Variants in HDLBP observed in about 807,000 individuals in gnomAD.
HDLBP encodes vigilin.
Under a neutral mutation model 137.3 loss-of-function variants are expected in HDLBP, and 30 were observed. That is an observed-to-expected ratio of 0.22 (90% CI 0.16 to 0.30). The LOEUF (loss-of-function observed/expected upper bound fraction) is 0.30, where lower values mean the gene tolerates loss of function less well. Among genes scored for constraint, HDLBP ranks in the 10% least tolerant of loss-of-function variants. HDLBP has a pLI of 1.00. For missense variants in HDLBP, 1,119 were observed against 1,667.3 expected (o/e 0.67, Z 5.73); for synonymous variants, 606 against 596.0 (o/e 1.02, Z -0.24).
At position 241,236,492 on chromosome 2, in the gene HDLBP, G is replaced by C. The variant is rs2070467116; in HGVS notation, c.2904+123C>G. Reference sequence around the variant, plus strand: ...GCCCGTGCGCACACGGTAGGAGCAAGAGGGCTACCTCCACTGCCACTGCCG... The same window carrying C: ...GCCCGTGCGCACACGGTAGGAGCAACAGGGCTACCTCCACTGCCACTGCCG... On this transcript the variant is annotated intron_variant, in intron 21 of 27. Coordinates refer to ENST00000310931, the MANE Select transcript of HDLBP (RefSeq NM_005336.6). 3.1e-6 allele frequency: 3 copies of C among 967,370 alleles called. No individual in the cohort carries two copies. The South Asian group carries it at 4.4e-5, about 14-fold the overall frequency. 59.9% of individuals were successfully genotyped at this position (967,370 alleles called of 1,614,324 possible). A position where few individuals can be genotyped will look rare whatever the true frequency, so the allele number is the denominator to read the frequency against.
rs1170953836 is a variant in HDLBP, at chr2:241,272,965, A to G, written c.-102-4424T>C. 7.3e-6 allele frequency: 7 copies of G among 959,214 alleles called. No homozygotes were observed. The highest frequency in any genetic ancestry group is 8.7e-6 in the Non-Finnish European group (7 of 805,978). 59.4% of individuals were successfully genotyped at this position (959,214 alleles called of 1,614,324 possible). A position where few individuals can be genotyped will look rare whatever the true frequency, so the allele number is the denominator to read the frequency against. ...GCCCAGCACCCGGGAGGCCCACCCA[A>G]CTGCAGGCGTGGTTCTGCATCCTTT... On this transcript the variant is annotated intron_variant, in intron 1 of 27. Coordinates refer to ENST00000310931, the MANE Select transcript of HDLBP (RefSeq NM_005336.6). This position sits in a 1 kb window ranked among gnomAD's most constrained non-coding sequence, Gnocchi z 5.6.
intron 1 of HDLBP, among the ~76,000 whole-genome samples, chr2:241,294,051 C>T (rs1029471782): frequency 1.3e-5 from 2 of 152,116 alleles, no homozygotes; most frequent in Non-Finnish European, 1.5e-5. Context: ...AACACACACC[C>T]GAGATTACAA....
In HDLBP at chr2:241,240,008, T is replaced by C; in HGVS notation, c.2284A>G (p.Ile762Val). ...KVRDSTGARV[I>V]FPAAEDKDQD... ...TCCTTGTCCTCAGCCGCAGGGAAGA[T>C]GACACGTGCTCCAGTGCTGTCGCGC... Residue 762 changes from isoleucine (I) to valine (V), a missense_variant, in exon 18 of 28, where the codon ATC becomes GTC. By Grantham distance (29) the Ile-to-Val change is conservative. This residue lies in a region of HDLBP where 618 missense variants were observed against 816.7 expected (regional missense o/e 0.76). Transcript: ENST00000310931. The surrounding 1 kb of genome is among the most constrained non-coding windows in gnomAD (Gnocchi z 5.5). 16 of 1,614,220 alleles carry C rather than the reference T, an allele frequency of 9.9e-6. No individual in the cohort carries two copies. Among genetic ancestry groups the C allele is most frequent in the African/African-American group, 1.3e-5 (1 of 75,050 alleles).
intron 12 of HDLBP, among the ~76,000 whole-genome samples, 200 bp from the exon 13 acceptor site, chr2:241,248,548 C>T (rs2071861841): frequency 6.6e-6 from 1 of 152,120 alleles, no homozygotes; most frequent in Non-Finnish European, 1.5e-5. Flanking sequence ...TCTCACCAAG[C>T]ATCGCTACAC....
Position 241,240,274 on chromosome 2 carries a change from G to C in HDLBP, c.2170-152C>G. 1 of 707,746 alleles carries C rather than the reference G, an allele frequency of 1.4e-6. No homozygotes were observed. Among genetic ancestry groups the C allele is most frequent in the Admixed American group, 2.1e-5 (1 of 48,406 alleles). The allele number at this position is 707,746 out of a possible 1,614,324, so 43.8% of individuals were successfully genotyped here. On this transcript the variant is annotated intron_variant, in intron 17 of 27. Transcript: ENST00000310931. This position sits in a 1 kb window ranked among gnomAD's most constrained non-coding sequence, Gnocchi z 5.5. ...CACCAATACCCCCAAAATGGGGCTA[G>C]CACACCTCACTGAATAAACAGATGA... is the stretch of plus-strand genomic sequence containing the variant.
In HDLBP at chr2:241,264,523, G is replaced by A; in HGVS notation, c.159C>T (p.Cys53=). The A allele has an allele frequency of 6.2e-7, 1 of 1,613,724 alleles. No homozygotes were observed. Among genetic ancestry groups the A allele is most frequent in the South Asian group, 1.1e-5 (1 of 91,064 alleles). ...AFPPLPEKAA[C]LESAQEPAGA... ...CAGCGGGTTCCTGGGCACTTTCCAG[G>A]CAAGCAGCTTTCTCAGGAAGTGGAG... is the stretch of plus-strand genomic sequence containing the variant. Residue 53 remains cysteine, a synonymous_variant, in exon 4 of 28, where the codon TGC becomes TGT. Transcript: ENST00000310931.
intron 1 of HDLBP, among the ~76,000 whole-genome samples, chr2:241,285,849 T>C (rs1160009875): frequency 6.6e-6 from 1 of 152,054 alleles, no homozygotes; most frequent in Non-Finnish European, 1.5e-5. Context: ...GGCAACAAAG[T>C]GAGACCTCAT....
At position 241,272,339 on chromosome 2, in the gene HDLBP, CG is replaced by C. The variant is rs1386389049; in HGVS notation, c.-102-3799del. On this transcript the variant is annotated intron_variant, in intron 1 of 27. Transcript: ENST00000310931. This position sits in a 1 kb window ranked among gnomAD's most constrained non-coding sequence, Gnocchi z 5.6. ...CCGCCGGAGCGGGGGAGGGGAGGGCCGGCCCCGCCAACGTCAGCGACCTGGG... is the reference window on the plus strand; with the variant it reads ...CCGCCGGAGCGGGGGAGGGGAGGGCCGCCCCGCCAACGTCAGCGACCTGGG... 1 of 983,968 alleles carries C rather than the reference CG, an allele frequency of 1.0e-6. No individual in the cohort carries two copies. Among genetic ancestry groups the C allele is most frequent in the Admixed American group, 6.2e-5 (1 of 16,212 alleles). 61.0% of individuals were successfully genotyped at this position (983,968 alleles called of 1,614,324 possible).
Position 241,240,707 on chromosome 2 carries a change from A to T in HDLBP, c.2170-585T>A, listed in dbSNP as rs1214810807. 2.0e-5 allele frequency among the ~76,000 whole-genome samples: 3 copies of T among 151,038 alleles called. No individual in the cohort carries two copies. In the East Asian group the frequency reaches 5.8e-4, roughly 29 times the overall value. Reference sequence around the variant, plus strand: ...AAGCCAACCAAGGCTACAGTTAGAGACCGGTCCTCAGAGGCCTCGTGTAGT... The same window carrying T: ...AAGCCAACCAAGGCTACAGTTAGAGTCCGGTCCTCAGAGGCCTCGTGTAGT... On this transcript the variant is annotated intron_variant, in intron 17 of 27. Coordinates refer to ENST00000310931, the MANE Select transcript of HDLBP (RefSeq NM_005336.6). This position sits in a 1 kb window ranked among gnomAD's most constrained non-coding sequence, Gnocchi z 5.5.
In HDLBP at chr2:241,230,435, G is replaced by GTGTT. The variant is rs1258211143; in HGVS notation, c.3475-167_3475-166insAACA. Reference sequence around the variant, plus strand: ...GCCTCATCACCACACCAAGTTAGGTGTATCTCAGGAGCACCTTGTTCCCAG... The same window carrying GTGTT: ...GCCTCATCACCACACCAAGTTAGGTGTGTTTATCTCAGGAGCACCTTGTTCCCAG... On this transcript the variant is annotated intron_variant, in intron 25 of 27. Transcript: ENST00000310931. The surrounding 1 kb of genome is among the most constrained non-coding windows in gnomAD (Gnocchi z 5.0). Among the ~76,000 whole-genome samples, 1 of 152,256 alleles carries GTGTT rather than the reference G, an allele frequency of 6.6e-6. No homozygotes were observed. The highest frequency in any genetic ancestry group is 1.5e-5 in the Non-Finnish European group (1 of 68,044).
chr2:241,270,245 A>G (rs761996494), intron 1 of HDLBP, among the ~76,000 whole-genome samples: 11 of 152,144 alleles, frequency 7.2e-5, no homozygotes, highest in Non-Finnish European at 1.5e-4. Flanking sequence ...GAGACCCTGG[A>G]GCAGAGCCTC....
At position 241,252,944 on chromosome 2, in the gene HDLBP, C is replaced by T. The variant is rs376707591; in HGVS notation, c.1372+13G>A. 40 of 1,589,692 alleles carry T rather than the reference C, an allele frequency of 2.5e-5. No homozygotes were observed. The highest frequency in any genetic ancestry group is 9.4e-5 in the African/African-American group (7 of 74,598). On this transcript the variant is annotated intron_variant, in intron 11 of 27. Coordinates refer to ENST00000310931, the MANE Select transcript of HDLBP (RefSeq NM_005336.6). ...GGCACACTGGCCCCACCGCAACAGA[C>T]AGCCTCACTCACTGTTGGCACCGCT...
In HDLBP at chr2:241,252,950, C is replaced by T; in HGVS notation, c.1372+7G>A. On this transcript the variant is annotated splice_region_variant and intron_variant, in intron 11 of 27. Transcript: ENST00000310931. ...CTGGCCCCACCGCAACAGACAGCCT[C>T]ACTCACTGTTGGCACCGCTCTTCCC... 1 of 1,596,058 alleles carries T rather than the reference C, an allele frequency of 6.3e-7. No homozygotes were observed. Among genetic ancestry groups the T allele is most frequent in the Non-Finnish European group, 8.6e-7 (1 of 1,164,398 alleles).
chr2:241,267,546 T>C lies in HDLBP; in HGVS notation c.-37-640A>G, dbSNP rs763618571. The C allele has an allele frequency of 2.6e-6, 4 of 1,529,000 alleles. No individual in the cohort carries two copies. In the South Asian group the frequency reaches 4.8e-5, roughly 18 times the overall value. The allele number at this position is 1,529,000 out of a possible 1,614,324, so 94.7% of individuals were successfully genotyped here. ...CAGGATCGTTCTCCTAACAGCGACC[T>C]TGGTTATTCTGTCAATTTGCTCACC... is the stretch of plus-strand genomic sequence containing the variant. On this transcript the variant is annotated intron_variant, in intron 2 of 27. Coordinates refer to ENST00000310931, the MANE Select transcript of HDLBP (RefSeq NM_005336.6).
intron 1 of HDLBP, among the ~76,000 whole-genome samples, chr2:241,275,343 T>C (rs922325831): frequency 7.9e-5 from 12 of 151,646 alleles, no homozygotes; most frequent in Admixed American, 2.6e-4. Context: ...AGAACTAAGA[T>C]TGAGACAATA....
Position 241,238,583 on chromosome 2 carries a change from C to G in HDLBP, c.2749+66G>C. On this transcript the variant is annotated intron_variant, in intron 20 of 27. Coordinates refer to ENST00000310931, the MANE Select transcript of HDLBP (RefSeq NM_005336.6). This position sits in a 1 kb window ranked among gnomAD's most constrained non-coding sequence, Gnocchi z 4.9. Reference sequence around the variant, plus strand: ...GAAAGAGCCTCACCAGTATGTGCGACAGCCCCGCCTCTCACATGGGAGGCG... The same window carrying G: ...GAAAGAGCCTCACCAGTATGTGCGAGAGCCCCGCCTCTCACATGGGAGGCG... 3 of 1,282,400 alleles carry G rather than the reference C, an allele frequency of 2.3e-6. No individual in the cohort carries two copies. The South Asian group carries it at 5.7e-5, about 24-fold the overall frequency. 79.4% of individuals were successfully genotyped at this position (1,282,400 alleles called of 1,614,324 possible). A position where few individuals can be genotyped will look rare whatever the true frequency, so the allele number is the denominator to read the frequency against.
chr2:241,240,210 T>C lies in HDLBP; in HGVS notation c.2170-88A>G. ...CAAGAGGGTCTGTAGGACAGCAAGCTCGGGCTCCCCTTACATTGTCACCAG... is the reference window on the plus strand; with the variant it reads ...CAAGAGGGTCTGTAGGACAGCAAGCCCGGGCTCCCCTTACATTGTCACCAG... On this transcript the variant is annotated intron_variant, in intron 17 of 27. Transcript: ENST00000310931. The surrounding 1 kb of genome is among the most constrained non-coding windows in gnomAD (Gnocchi z 5.5). The C allele has an allele frequency of 7.7e-7, 1 of 1,298,846 alleles. No homozygotes were observed. The highest frequency in any genetic ancestry group is 1.1e-6 in the Non-Finnish European group (1 of 894,356). The allele number at this position is 1,298,846 out of a possible 1,614,324, so 80.5% of individuals were successfully genotyped here. A position where few individuals can be genotyped will look rare whatever the true frequency, so the allele number is the denominator to read the frequency against.
chr2:241,273,271 C>T (rs2074250970), intron 1 of HDLBP: 2 of 974,064 alleles, frequency 2.1e-6, no homozygotes, highest in Non-Finnish European at 2.4e-6. Flanking sequence ...CTTTCATTCC[C>T]TCATTCCTGC....
At chr2:241,266,694 G>GCCAA (rs2073700729) in intron 3 of HDLBP, 100 bp downstream of exon 3, 2 of 831,036 alleles carry the variant, frequency 2.4e-6, no homozygotes, top group African/African-American at 3.3e-5. Context: ...CAACCACAGG[G>GCCAA]CCAAAAGGTA....
Sources: gnomAD v4.1 joint callset for allele counts (sites outside exome capture counted in the v4.1 genomes callset) on GRCh38, gnomAD v4.1.1 for gene constraint, gnomAD v4.1.1 regional missense constraint, Gnocchi (gnomAD v3.1) non-coding constraint, MANE v1.5 for transcripts, NCBI Gene and HGNC (gene_info 2026-07-23, HGNC 2026-07-21) for gene names.